The following NDST4 variants were observed in gnomAD, a reference collection of about 807,000 sequenced individuals.
The protein encoded by NDST4 is N-deacetylase and N-sulfotransferase 4.
A neutral mutation model predicts 100.8 loss-of-function variants in NDST4; 63 were observed. The ratio of observed to expected loss-of-function variants is 0.62; its 90% CI spans 0.51 to 0.77. The LOEUF (loss-of-function observed/expected upper bound fraction) is 0.77. Among genes scored for constraint, NDST4 ranks in the 30% least tolerant of loss-of-function variants. The pLI is 0.00. For missense variants in NDST4, 943 were observed against 1,018.4 expected (o/e 0.93, Z 1.01); for synonymous variants, 377 against 361.8 (o/e 1.04, Z -0.48).
chr4:115,103,915 GACA>G (rs1330767279), intron 1 of NDST4, among the ~76,000 whole-genome samples: 5 of 152,136 alleles, frequency 3.3e-5, no homozygotes, highest in African/African-American at 9.7e-5. Flanking sequence ...TCTTGTCAGA[GACA>G]ACATTTCTTG....
intron 2 of NDST4, among the ~76,000 whole-genome samples, chr4:115,062,735 C>T (rs1349610994): frequency 1.3e-5 from 2 of 151,682 alleles, no homozygotes; most frequent in African/African-American, 4.8e-5. Context: ...ACAAGAATAG[C>T]TAATCATCCA....
At chr4:115,000,797 A>G (rs186495289) in intron 2 of NDST4, among the ~76,000 whole-genome samples, 2 of 152,270 alleles carry the variant, frequency 1.3e-5, no homozygotes, top group Admixed American at 6.5e-5. Context: ...CGGCTATAAC[A>G]AAAGACCACA....
chr4:114,845,158 C>T (rs1723517638), intron 10 of NDST4, among the ~76,000 whole-genome samples: 1 of 151,990 alleles, frequency 6.6e-6, no homozygotes, highest in African/African-American at 2.4e-5. Context: ...GGTGAAACCC[C>T]ATCTCTACAA....
At chr4:115,017,747 G>T (rs947243634) in intron 2 of NDST4, among the ~76,000 whole-genome samples, 3 of 151,894 alleles carry the variant, frequency 2.0e-5, no homozygotes, top group African/African-American at 7.2e-5. Flanking sequence ...GAACAAAAAG[G>T]CAATCATTAA....
chr4:114,988,511 G>A lies in NDST4; in HGVS notation c.979-11237C>T, dbSNP rs1044177743. Among the ~76,000 whole-genome samples the A allele has an allele frequency of 3.8e-4, 58 of 151,282 alleles. 3 individuals carry two copies. The highest frequency in any genetic ancestry group is 3.0e-3 in the Admixed American group (45 of 15,176). On this transcript the variant is annotated intron_variant, in intron 2 of 13. Transcript: ENST00000264363. ...CAAGTAGCTGGGACTACAGGCGCCC[G>A]CCACCACGCCTGGCTAATTTTTTGT...
chr4:114,870,181 G>A (rs1724117660), intron 7 of NDST4, among the ~76,000 whole-genome samples: 1 of 152,150 alleles, frequency 6.6e-6, no homozygotes, highest in South Asian at 2.1e-4. Context: ...GGCCCCACAT[G>A]AAGTTGAATT....
At chr4:114,867,648 AAAAAAAAAAAAAAAAGC>A (rs1391687460) in intron 7 of NDST4, among the ~76,000 whole-genome samples, 1 of 108,644 alleles carries the variant, frequency 9.2e-6, no homozygotes, top group Admixed American at 9.4e-5. Flanking sequence ...GAGAATTATA[AAAAAAAAAAAAAAAAGC>A]AAAAAAAAAA....
In NDST4 at chr4:114,907,687, A is replaced by G. The variant is rs150114702; in HGVS notation, c.1536+27519T>C. ...CAGTTACAAGTTTATACAAGCTAAC[A>G]TGGAAGCTTAGGGGAGAGGTAACTA... On this transcript the variant is annotated intron_variant, in intron 6 of 13. Transcript: ENST00000264363. Among the ~76,000 whole-genome samples the G allele has an allele frequency of 2.8e-4, 42 of 152,036 alleles. No homozygotes were observed. In the East Asian group the frequency reaches 6.8e-3, roughly 25 times the overall value.
At chr4:114,981,691 T>G (rs1304419279) in intron 2 of NDST4, among the ~76,000 whole-genome samples, 1 of 152,196 alleles carries the variant, frequency 6.6e-6, no homozygotes, top group Non-Finnish European at 1.5e-5. Context: ...AATACTGAGT[T>G]AGTATACTAT....
intron 6 of NDST4, among the ~76,000 whole-genome samples, chr4:114,914,502 C>A (rs1294062579): frequency 1.3e-5 from 2 of 152,058 alleles, no homozygotes; most frequent in Admixed American, 1.3e-4. Context: ...TTAGATACCA[C>A]TGCATTAGAA....
At chr4:115,011,709 G>C (rs1235510644) in intron 2 of NDST4, among the ~76,000 whole-genome samples, 1 of 151,700 alleles carries the variant, frequency 6.6e-6, no homozygotes, top group Non-Finnish European at 1.5e-5. Context: ...TTATCTCTGT[G>C]AAAAATATAG....
At chr4:114,926,453 A>G (rs1370318079) in intron 6 of NDST4, among the ~76,000 whole-genome samples, 1 of 152,142 alleles carries the variant, frequency 6.6e-6, no homozygotes, top group African/African-American at 2.4e-5. Flanking sequence ...TCCAACTCAT[A>G]TCTTCTGTTT....
chr4:114,877,087 C>T (rs7695025), intron 6 of NDST4, among the ~76,000 whole-genome samples: 25 of 151,484 alleles, frequency 1.7e-4, no homozygotes, highest in Admixed American at 1.3e-3. Flanking sequence ...CACACACACA[C>T]GCGTGCACGC....
intron 6 of NDST4, among the ~76,000 whole-genome samples, chr4:114,878,101 T>C (rs562914934): frequency 6.6e-6 from 1 of 151,158 alleles, no homozygotes; most frequent in Non-Finnish European, 1.5e-5. Flanking sequence ...CATCTCACCA[T>C]GTGTAGGTCA....
At chr4:115,062,599 C>A (rs1443945211) in intron 2 of NDST4, among the ~76,000 whole-genome samples, 6 of 151,110 alleles carry the variant, frequency 4.0e-5, no homozygotes, top group Admixed American at 4.0e-4. Flanking sequence ...GCATATCAGG[C>A]ATTAACATGC....
chr4:114,857,761 A>G (rs746457781), intron 7 of NDST4, among the ~76,000 whole-genome samples: 12 of 152,206 alleles, frequency 7.9e-5, no homozygotes, highest in Non-Finnish European at 1.5e-4. Flanking sequence ...AGGATATGAC[A>G]AACTAATCAG....
chr4:115,030,231 G>A (rs1374334545), intron 2 of NDST4, among the ~76,000 whole-genome samples: 1 of 152,158 alleles, frequency 6.6e-6, no homozygotes, highest in Non-Finnish European at 1.5e-5. Flanking sequence ...CAGCAAGCCA[G>A]AAGACATCAG....
At chr4:115,098,667 C>T (rs1319413552) in intron 1 of NDST4, among the ~76,000 whole-genome samples, 2 of 152,066 alleles carry the variant, frequency 1.3e-5, no homozygotes, top group African/African-American at 4.8e-5. Context: ...AAAATAAACT[C>T]ACAAAAATAT....
chr4:115,064,933 T>C (rs1372141464), intron 2 of NDST4, among the ~76,000 whole-genome samples: 1 of 152,158 alleles, frequency 6.6e-6, no homozygotes, highest in Non-Finnish European at 1.5e-5. Flanking sequence ...TGGATGCCCA[T>C]GTTAAATCAT....
Sources: gnomAD v4.1 joint callset for allele counts (sites outside exome capture counted in the v4.1 genomes callset) on GRCh38, gnomAD v4.1.1 for gene constraint, MANE v1.5 for transcripts, NCBI Gene and HGNC (gene_info 2026-07-23, HGNC 2026-07-21) for gene names.